Variants in PTGIS observed in about 807,000 individuals in gnomAD.
PTGIS encodes the protein prostaglandin I2 synthase, also known as prostacyclin synthase.
PTGIS carries 45 observed loss-of-function variants against 50.3 expected under a neutral mutation model. That is an observed-to-expected ratio of 0.90 (90% CI 0.70 to 1.15). PTGIS has a LOEUF of 1.15. Ranked by LOEUF, PTGIS falls within the 50% of genes most tolerant of loss-of-function variation. The pLI, the probability that PTGIS is intolerant of heterozygous loss-of-function variation, is 0.00. For synonymous variants in PTGIS, 260 were observed against 267.7 expected (o/e 0.97, Z 0.28); for missense variants, 668 against 661.3 (o/e 1.01, Z -0.11).
rs181143273 is a variant in PTGIS, at chr20:49,539,728, G to C, written c.522-7C>G. On this transcript the variant is annotated splice_polypyrimidine_tract_variant and splice_region_variant and intron_variant, in intron 4 of 9. Coordinates refer to ENST00000244043, the MANE Select transcript of PTGIS (RefSeq NM_000961.4). ...AAGAGTCAGGTAGCCGGCTCTGGGG[G>C]CGGCAGACAGAGGGTCAGGGGTCCT... is the stretch of plus-strand genomic sequence containing the variant. 3.1e-5 allele frequency: 50 copies of C among 1,609,250 alleles called. 1 individual carries two copies. In the African/African-American group the frequency reaches 6.0e-4, roughly 19 times the overall value.
intron 5 of PTGIS, 75 bp from the exon 6 acceptor site, chr20:49,524,314 C>A: frequency 6.6e-7 from 1 of 1,524,306 alleles, no homozygotes. Flanking sequence ...GGCATGACCT[C>A]CCATGAGGCC....
chr20:49,508,088 T>A, intron 9 of PTGIS, 24 bp from the exon 10 acceptor site: 1 of 1,612,792 alleles, frequency 6.2e-7, no homozygotes, highest in Admixed American at 1.7e-5. Context: ...GCATGGAAGG[T>A]GTGAAGGAGA....
chr20:49,517,011 C>T (rs941659815), intron 6 of PTGIS, among the ~76,000 whole-genome samples: 2 of 152,200 alleles, frequency 1.3e-5, no homozygotes, highest in East Asian at 1.9e-4. Flanking sequence ...GTAACATTGC[C>T]ACCTCCTGGG....
intron 1 of PTGIS, among the ~76,000 whole-genome samples, chr20:49,564,741 G>A (rs572594633): frequency 6.8e-4 from 103 of 152,270 alleles, no homozygotes; most frequent in African/African-American, 2.4e-3. Flanking sequence ...ACTGGGATAA[G>A]CATGAATTTT....
intron 4 of PTGIS, among the ~76,000 whole-genome samples, chr20:49,543,887 G>A (rs1387493507): frequency 2.6e-5 from 4 of 152,144 alleles, no homozygotes; most frequent in Admixed American, 6.5e-5. Context: ...ATTAGTGCCC[G>A]GCACTGCTGA....
chr20:49,517,453 AGTGTGT>A (rs34021649), intron 6 of PTGIS, among the ~76,000 whole-genome samples: 2,520 of 149,226 alleles, frequency 0.017, 62 homozygotes, highest in African/African-American at 0.057. Flanking sequence ...TGTGAGTGTG[AGTGTGT>A]GTGTGTGTGT....
intron 6 of PTGIS, among the ~76,000 whole-genome samples, chr20:49,515,377 T>G (rs1981449227): frequency 6.6e-6 from 1 of 152,230 alleles, no homozygotes; most frequent in Non-Finnish European, 1.5e-5. Context: ...CTGAACATTT[T>G]CATACACATT....
intron 3 of PTGIS, among the ~76,000 whole-genome samples, chr20:49,547,458 T>G (rs1167863548): frequency 3.9e-5 from 6 of 152,116 alleles, no homozygotes; most frequent in African/African-American, 7.2e-5. Context: ...ACCTCTCTCC[T>G]TCATTTTACA....
intron 1 of PTGIS, 105 bp downstream of exon 1, chr20:49,567,938 C>T: frequency 2.7e-6 from 3 of 1,098,452 alleles, no homozygotes; most frequent in Non-Finnish European, 2.4e-6. Flanking sequence ...GATACTGGAG[C>T]GGGACTCGGG....
Position 49,518,192 on chromosome 20 carries a change from C to T in PTGIS, c.856-3797G>A, listed in dbSNP as rs1007890637. ...ATTTTTATGATTTAGAAGATTCCAACGGAATAAAAGAATATCCCGAGTGTG... is the reference window on the plus strand; with the variant it reads ...ATTTTTATGATTTAGAAGATTCCAATGGAATAAAAGAATATCCCGAGTGTG... On this transcript the variant is annotated intron_variant, in intron 6 of 9. Coordinates refer to ENST00000244043, the MANE Select transcript of PTGIS (RefSeq NM_000961.4). 2.0e-5 allele frequency among the ~76,000 whole-genome samples: 3 copies of T among 152,214 alleles called. No individual in the cohort carries two copies. In the East Asian group the frequency reaches 5.8e-4, roughly 29 times the overall value.
chr20:49,538,591 C>A (rs80207904), intron 5 of PTGIS, among the ~76,000 whole-genome samples: 14,683 of 151,938 alleles, frequency 0.097, 2,202 homozygotes, highest in African/African-American at 0.32. Context: ...AGAAACCAGT[C>A]CAGTGGCTAC....
rs58986753 is a variant in PTGIS, at chr20:49,538,256, GAAAAAAAAAAAA to G, written c.673+1302_673+1313del. On this transcript the variant is annotated intron_variant, in intron 5 of 9. Transcript: ENST00000244043. ...GGTGACAGAGTGAGACCCTGGTTCA[GAAAAAAAAAAAA>G]AAAAAAAAAAAAAAAAAAGGCATGC... is the stretch of plus-strand genomic sequence containing the variant. Among the ~76,000 whole-genome samples the G allele has an allele frequency of 4.1e-3, 124 of 30,286 alleles. 1 individual carries two copies. The highest frequency in any genetic ancestry group is 6.1e-3 in the African/African-American group (55 of 9,090). The allele number at this position is 30,286 out of a possible 152,430, so 19.9% of individuals were successfully genotyped here. A position where few individuals can be genotyped will look rare whatever the true frequency, so the allele number is the denominator to read the frequency against.
chr20:49,518,299 G>A (rs566952838), intron 6 of PTGIS, among the ~76,000 whole-genome samples: 49 of 152,330 alleles, frequency 3.2e-4, no homozygotes, highest in African/African-American at 1.1e-3. Context: ...GCGAGGCATT[G>A]GGAGAAGGGG....
Position 49,507,944 on chromosome 20 carries a change from G to A in PTGIS, c.1479C>T (p.Pro493=), listed in dbSNP as rs756114643. ...FGLMQPEHDV[P]VRYRIRP is the part of the protein sequence containing the mutation. ...GTCATGGGCGGATGCGGTAGCGGAC[G>A]GGCACGTCGTGTTCCGGCTGCATCA... The change falls in exon 10 of 10, where the codon CCC becomes CCT. Residue 493 remains proline (P), a synonymous_variant. Coordinates refer to ENST00000244043, the MANE Select transcript of PTGIS (RefSeq NM_000961.4). 12 of 1,612,882 alleles carry A rather than the reference G, an allele frequency of 7.4e-6. No homozygotes were observed. In the East Asian group the frequency reaches 1.3e-4, roughly 18 times the overall value.
intron 1 of PTGIS, among the ~76,000 whole-genome samples, chr20:49,551,130 C>T (rs1982496827): frequency 6.6e-6 from 1 of 152,128 alleles, no homozygotes. Context: ...TCGCTTGAAC[C>T]CAGGAGGAGG....
chr20:49,520,375 C>T lies in PTGIS; in HGVS notation c.855+3683G>A, dbSNP rs561710406. 5.5e-4 allele frequency among the ~76,000 whole-genome samples: 83 copies of T among 152,002 alleles called. 1 individual carries two copies. Among genetic ancestry groups the T allele is most frequent in the African/African-American group, 1.9e-3 (80 of 41,422 alleles). On this transcript the variant is annotated intron_variant, in intron 6 of 9. Coordinates refer to ENST00000244043, the MANE Select transcript of PTGIS (RefSeq NM_000961.4). ...TGAGATGGGAGTCTCACTCTGTTGCCCAGGCTGGAGTGCAGTGGTGCCATC... is the reference window on the plus strand; with the variant it reads ...TGAGATGGGAGTCTCACTCTGTTGCTCAGGCTGGAGTGCAGTGGTGCCATC...
chr20:49,543,173 G>A (rs917762869), intron 4 of PTGIS, among the ~76,000 whole-genome samples: 1 of 151,736 alleles, frequency 6.6e-6, no homozygotes, highest in Non-Finnish European at 1.5e-5. Context: ...TCTCACTCAC[G>A]CCCACGCTCC....
chr20:49,568,117 C>CGCGGTGCTG lies in PTGIS; in HGVS notation c.-2_-1insCAGCACCGC. The CGCGGTGCTG allele has an allele frequency of 1.3e-6, 1 of 784,878 alleles. No homozygotes were observed. The highest frequency in any genetic ancestry group is 1.8e-6 in the Non-Finnish European group (1 of 568,994). 48.6% of individuals were successfully genotyped at this position (784,878 alleles called of 1,614,324 possible). ...GGCCGAGGAGCGCGGCCCAAGCCAT[C>CGCGGTGCTG]GCGGGGCTGGCGGGGCTGGCGGGGC... is the stretch of plus-strand genomic sequence containing the variant. On this transcript the variant is annotated 5_prime_UTR_variant, in exon 1 of 10. Transcript: ENST00000244043.
chr20:49,523,952 G>C, intron 6 of PTGIS, 106 bp downstream of exon 6: 3 of 1,341,776 alleles, frequency 2.2e-6, no homozygotes, highest in Non-Finnish European at 2.1e-6. Context: ...CACAGGCATA[G>C]TCATGTGCAC....
Sources: gnomAD v4.1 joint callset for allele counts (sites outside exome capture counted in the v4.1 genomes callset) on GRCh38, gnomAD v4.1.1 for gene constraint, MANE v1.5 for transcripts, NCBI Gene and HGNC (gene_info 2026-07-23, HGNC 2026-07-21) for gene names.